TMEM61: variants seen among roughly 807,000 people sequenced by gnomAD.
TMEM61 encodes the protein transmembrane protein 61.
TMEM61 carries 13 observed loss-of-function variants against 12.0 expected under a neutral mutation model. The ratio of observed to expected loss-of-function variants is 1.08; its 90% CI spans 0.70 to 1.72. The LOEUF (loss-of-function observed/expected upper bound fraction) is 1.72, where lower values mean the gene tolerates loss of function less well. TMEM61 is among the 40% of genes most tolerant of loss of function. The pLI, the probability that TMEM61 is intolerant of heterozygous loss-of-function variation, is 0.00. For missense variants in TMEM61, 249 were observed against 276.9 expected, an observed-to-expected ratio of 0.90 and a Z score of 0.71; for synonymous variants, 109 against 121.4, an observed-to-expected ratio of 0.90 and a Z score of 0.67.
chr1:54,982,315 C>T (rs900334114), intron 1 of TMEM61, among the ~76,000 whole-genome samples: 28 of 152,076 alleles, frequency 1.8e-4, no homozygotes, highest in African/African-American at 5.8e-4. Context: ...AAGCAGAGGG[C>T]GCTCCAGGTG....
chr1:54,989,776 GC>G (rs911712066), intron 2 of TMEM61, among the ~76,000 whole-genome samples: 1 of 152,226 alleles, frequency 6.6e-6, no homozygotes, highest in African/African-American at 2.4e-5. Context: ...CCTGTGCCCT[GC>G]CCTGCCAGCT....
chr1:54,986,766 T>G (rs1020457573), intron 2 of TMEM61, among the ~76,000 whole-genome samples: 1 of 151,816 alleles, frequency 6.6e-6, no homozygotes, highest in Non-Finnish European at 1.5e-5. Flanking sequence ...TGGGACAGAA[T>G]AGCAGAGGGT....
intron 2 of TMEM61, among the ~76,000 whole-genome samples, chr1:54,990,164 C>G (rs1006756): frequency 0.99 from 150,550 of 152,142 alleles, 74,506 homozygotes; most frequent in East Asian, 1. Context: ...TCAGCTTCCT[C>G]GGCTGTCTTC....
chr1:54,992,075 T>C lies in TMEM61; in HGVS notation c.605T>C (p.Leu202Pro), dbSNP rs1167821735. The C allele has an allele frequency of 6.2e-7, 1 of 1,613,036 alleles. No individual in the cohort carries two copies. The highest frequency in any genetic ancestry group is 1.3e-5 in the African/African-American group (1 of 75,028). The change falls in exon 3 of 3, where the codon CTG becomes CCG. Residue 202 changes from leucine to proline, a missense_variant. Physicochemically the swap from Leu to Pro is moderately conservative, Grantham distance 98. Transcript: ENST00000371268. ...AGTGCCACACGCTCCTGCTCAGGCC[T>C]GGTTCAGACTGCACGGGGAGGAAGT... is the stretch of plus-strand genomic sequence containing the variant. The part of the protein sequence containing the change: ...TPSATRSCSG[L>P]VQTARGGS
At chr1:54,986,595 G>C (rs771803254) in intron 2 of TMEM61, 149 bp downstream of exon 2, 2 of 711,218 alleles carry the variant, frequency 2.8e-6, no homozygotes. Context: ...GTACACGGAA[G>C]CTGATCAGTA....
chr1:54,986,038 T>TG, intron 1 of TMEM61, 59 bp from the exon 2 acceptor site: 1 of 1,454,822 alleles, frequency 6.9e-7, no homozygotes, highest in South Asian at 1.4e-5. Context: ...AATTAACACC[T>TG]GGCCTCCAGC....
chr1:54,987,000 T>C (rs560631010), intron 2 of TMEM61, among the ~76,000 whole-genome samples: 76 of 152,328 alleles, frequency 5.0e-4, no homozygotes, highest in African/African-American at 1.6e-3. Flanking sequence ...CAGCTGATCC[T>C]TACAGCAGCC....
chr1:54,991,832 G>T lies in TMEM61; in HGVS notation c.366-4G>T. 1 of 1,613,482 alleles carries T rather than the reference G, an allele frequency of 6.2e-7. No homozygotes were observed. The highest frequency in any genetic ancestry group is 8.5e-7 in the Non-Finnish European group (1 of 1,179,722). On this transcript the variant is annotated splice_polypyrimidine_tract_variant and splice_region_variant and intron_variant, in intron 2 of 2. Coordinates refer to ENST00000371268, the MANE Select transcript of TMEM61 (RefSeq NM_182532.3). ...TGCTAACAGCCTCTCTTCTGTTCCTGCAGGACCCCCAAAGTGGTTGACATC... is the reference window on the plus strand; with the variant it reads ...TGCTAACAGCCTCTCTTCTGTTCCTTCAGGACCCCCAAAGTGGTTGACATC...
intron 2 of TMEM61, among the ~76,000 whole-genome samples, chr1:54,991,229 G>A (rs1644295903): frequency 6.6e-6 from 1 of 152,226 alleles, no homozygotes; most frequent in Admixed American, 6.5e-5. Context: ...AGTTGGCCAG[G>A]GGTGGGGACC....
chr1:54,981,969 GC>G (rs1183329435), intron 1 of TMEM61, among the ~76,000 whole-genome samples: 3 of 80,282 alleles, frequency 3.7e-5, no homozygotes, highest in African/African-American at 9.0e-5. Flanking sequence ...GTATTATTGT[GC>G]CCATTTACAG....
intron 2 of TMEM61, among the ~76,000 whole-genome samples, chr1:54,990,403 G>A (rs1028628262): frequency 3.9e-5 from 6 of 152,146 alleles, no homozygotes; most frequent in African/African-American, 1.4e-4. Flanking sequence ...AGTGGGCCGA[G>A]AAGACACATT....
At chr1:54,984,012 C>T (rs13375092) in intron 1 of TMEM61, among the ~76,000 whole-genome samples, 6,589 of 152,144 alleles carry the variant, frequency 0.043, 453 homozygotes, top group African/African-American at 0.15. Flanking sequence ...ACTCCCAGAG[C>T]GCCCCTTTTA....
Position 54,982,851 on chromosome 1 carries a change from TGTG to T in TMEM61, c.15+1773_15+1775del, listed in dbSNP as rs377371536. The stretch of plus-strand genomic sequence containing the variant: ...TTGTCACCCTATTATGGTCACCAAT[TGTG>T]GAGAAATTGTCACCCTAGTGGCCAC... On this transcript the variant is annotated intron_variant, in intron 1 of 2. Coordinates refer to ENST00000371268, the MANE Select transcript of TMEM61 (RefSeq NM_182532.3). 3.0e-4 allele frequency among the ~76,000 whole-genome samples: 45 copies of T among 152,256 alleles called. No homozygotes were observed. The East Asian group carries it at 7.7e-3, about 26-fold the overall frequency.
At chr1:54,990,870 T>C (rs1479164907) in intron 2 of TMEM61, among the ~76,000 whole-genome samples, 1 of 152,244 alleles carries the variant, frequency 6.6e-6, no homozygotes, top group Non-Finnish European at 1.5e-5. Context: ...CCTCGATGAA[T>C]GGAATTACAG....
In TMEM61 at chr1:54,992,234, G is replaced by A; in HGVS notation, c.*131G>A. ...AAGGCTGTTCTATTTATCTATTGCT[G>A]TATAACAAACCACCCCAGAATTTAG... On this transcript the variant is annotated 3_prime_UTR_variant, in exon 3 of 3. Transcript: ENST00000371268. 1.7e-6 allele frequency: 2 copies of A among 1,146,158 alleles called. No individual in the cohort carries two copies. Among genetic ancestry groups the A allele is most frequent in the East Asian group, 2.4e-5 (1 of 41,612 alleles). The allele number at this position is 1,146,158 out of a possible 1,614,324, so 71.0% of individuals were successfully genotyped here.
intron 1 of TMEM61, among the ~76,000 whole-genome samples, 165 bp downstream of exon 1, chr1:54,981,245 G>A (rs1321485908): frequency 1.3e-5 from 2 of 152,212 alleles, no homozygotes; most frequent in Non-Finnish European, 2.9e-5. Context: ...TGAGGCCATG[G>A]CACTCAGGGC....
intron 1 of TMEM61, among the ~76,000 whole-genome samples, chr1:54,984,437 G>T (rs1644245032): frequency 6.6e-6 from 1 of 152,126 alleles, no homozygotes; most frequent in Non-Finnish European, 1.5e-5. Context: ...CAGCTGTAGA[G>T]GGGGGACCAA....
intron 1 of TMEM61, 41 bp downstream of exon 1, chr1:54,981,121 G>GC (rs1644217759): frequency 6.4e-7 from 1 of 1,571,256 alleles, no homozygotes; most frequent in East Asian, 2.3e-5. Flanking sequence ...CGGGCACTCA[G>GC]CCCCTTCTGT....
intron 1 of TMEM61, among the ~76,000 whole-genome samples, chr1:54,984,482 A>C (rs1035819): frequency 0.72 from 109,520 of 152,116 alleles, 40,205 homozygotes; most frequent in Non-Finnish European, 0.8. Flanking sequence ...TGTGCTGTGG[A>C]AGCTGGAATC....
Sources: gnomAD v4.1 joint callset for allele counts (sites outside exome capture counted in the v4.1 genomes callset) on GRCh38, gnomAD v4.1.1 for gene constraint, MANE v1.5 for transcripts, NCBI Gene and HGNC (gene_info 2026-07-23, HGNC 2026-07-21) for gene names.